Variants in SERINC5 observed in about 807,000 individuals in gnomAD.
SERINC5 encodes the protein chromosome 5 open reading frame 12.
Under a neutral mutation model 63.1 loss-of-function variants are expected in SERINC5, and 41 were observed. That is an observed-to-expected ratio of 0.65 (90% confidence interval 0.51 to 0.84). The LOEUF is 0.84. Among genes scored for constraint, SERINC5 ranks in the 40% least tolerant of loss-of-function variants. The pLI is 0.00. For missense variants in SERINC5, 523 were observed against 573.0 expected (o/e 0.91, Z 0.89); for synonymous variants, 222 against 215.2 (o/e 1.03, Z -0.28).
intron 1 of SERINC5, among the ~76,000 whole-genome samples, chr5:80,246,088 CA>C (rs933835374): frequency 6.6e-6 from 1 of 151,364 alleles, no homozygotes; most frequent in African/African-American, 2.4e-5. Context: ...CCTATTAGAG[CA>C]AACAGTTTCA....
intron 11 of SERINC5, chr5:80,129,303 GT>G (rs1331697624): frequency 6.6e-6 from 1 of 152,248 alleles, no homozygotes; most frequent in East Asian, 1.9e-4. Context: ...TTGTTTGTTT[GT>G]TTGATTGTTT....
chr5:80,190,246 A>G (rs1471811196), intron 2 of SERINC5, among the ~76,000 whole-genome samples: 1 of 151,360 alleles, frequency 6.6e-6, no homozygotes, highest in Non-Finnish European at 1.5e-5. Flanking sequence ...TGGAGCAGCT[A>G]GGACTACAGG....
rs375534461 is a variant in SERINC5, at chr5:80,141,994, C to G, written c.*1669G>C. On this transcript the variant is annotated 3_prime_UTR_variant, in exon 12 of 12. Transcript: ENST00000507668. ...AATAGAAAGAATTTCACTAATTTCA[C>G]CCACCAGCATTTTGGCACACAGAAG... 3.0e-6 allele frequency: 3 copies of G among 985,274 alleles called. No individual in the cohort carries two copies. The highest frequency in any genetic ancestry group is 1.1e-4 in the East Asian group (1 of 8,824). The allele number at this position is 985,274 out of a possible 1,614,324, so 61.0% of individuals were successfully genotyped here.
chr5:80,244,219 CTTT>C (rs1177734360), intron 1 of SERINC5, among the ~76,000 whole-genome samples: 3 of 143,866 alleles, frequency 2.1e-5, no homozygotes, highest in Admixed American at 7.0e-5. Context: ...CCCCCAAGCA[CTTT>C]TTTTTTTTTT....
chr5:80,223,609 A>C (rs981140405), intron 1 of SERINC5, among the ~76,000 whole-genome samples: 4 of 152,176 alleles, frequency 2.6e-5, no homozygotes, highest in African/African-American at 9.7e-5. Flanking sequence ...TTTCTAAAGA[A>C]TATCCCACCC....
chr5:80,153,983 C>T lies in SERINC5; in HGVS notation c.987-3035G>A, dbSNP rs114044177. Among the ~76,000 whole-genome samples the T allele has an allele frequency of 2.5e-3, 376 of 152,244 alleles. 2 individuals are homozygous for T. The highest frequency in any genetic ancestry group is 8.6e-3 in the African/African-American group (358 of 41,554). On this transcript the variant is annotated intron_variant, in intron 8 of 11. Coordinates refer to ENST00000507668, the MANE Select transcript of SERINC5 (RefSeq NM_001174072.3). ...GACCACAGAAAATCTCTAAATAACA[C>T]GTCCAAACTTTCCTGGAGATCACAC...
chr5:80,166,517 G>C (rs753219441), intron 6 of SERINC5, 39 bp from the exon 7 acceptor site: 3 of 1,410,326 alleles, frequency 2.1e-6, no homozygotes, highest in South Asian at 1.2e-5. Flanking sequence ...GTTTTAATTT[G>C]AAGAAAAAGA....
At chr5:80,224,831 G>T (rs1490505543) in intron 1 of SERINC5, among the ~76,000 whole-genome samples, 1 of 151,744 alleles carries the variant, frequency 6.6e-6, no homozygotes, top group Non-Finnish European at 1.5e-5. Context: ...TCACCATGTT[G>T]GTCGGGCTGG....
At chr5:80,235,641 G>C (rs905881407) in intron 1 of SERINC5, among the ~76,000 whole-genome samples, 1 of 152,104 alleles carries the variant, frequency 6.6e-6, no homozygotes, top group East Asian at 1.9e-4. Context: ...CTGTCGCCCA[G>C]GCTGGAGTGC....
intron 12 of SERINC5, among the ~76,000 whole-genome samples, chr5:80,112,021 G>C (rs1426929232): frequency 6.6e-6 from 1 of 152,228 alleles, no homozygotes; most frequent in Admixed American, 6.5e-5. Flanking sequence ...AAGCCGCAGG[G>C]ACCTCTGCCC....
chr5:80,164,900 CT>C (rs1491415372), intron 7 of SERINC5, among the ~76,000 whole-genome samples: 1 of 127,732 alleles, frequency 7.8e-6, no homozygotes, highest in Non-Finnish European at 1.6e-5. Context: ...TTTAAAATAA[CT>C]TTTTTTCTGT....
intron 2 of SERINC5, among the ~76,000 whole-genome samples, chr5:80,190,553 G>C (rs1749119438): frequency 6.6e-6 from 1 of 152,122 alleles, no homozygotes; most frequent in South Asian, 2.1e-4. Flanking sequence ...TCTAAACTAG[G>C]GGGATACGAG....
chr5:80,139,780 A>G lies in SERINC5; in HGVS notation c.*3883T>C. ...GTGGCTACTGCATTGTCCCTGAAGAAGGAGGGCCCAGTGTTCTTTCTGGGT... is the reference window on the plus strand; with the variant it reads ...GTGGCTACTGCATTGTCCCTGAAGAGGGAGGGCCCAGTGTTCTTTCTGGGT... On this transcript the variant is annotated 3_prime_UTR_variant, in exon 12 of 12. Coordinates refer to ENST00000507668, the MANE Select transcript of SERINC5 (RefSeq NM_001174072.3). 1 of 985,448 alleles carries G rather than the reference A, an allele frequency of 1.0e-6. No homozygotes were observed. The highest frequency in any genetic ancestry group is 1.2e-6 in the Non-Finnish European group (1 of 829,938). 61.0% of individuals were successfully genotyped at this position (985,448 alleles called of 1,614,324 possible). A position where few individuals can be genotyped will look rare whatever the true frequency, so the allele number is the denominator to read the frequency against.
chr5:80,230,210 C>A (rs998652843), intron 1 of SERINC5, among the ~76,000 whole-genome samples: 8 of 152,096 alleles, frequency 5.3e-5, no homozygotes, highest in African/African-American at 1.9e-4. Context: ...GTGGTTCATA[C>A]CTGCAATCCC....
chr5:80,206,118 A>G (rs894210040), intron 1 of SERINC5, among the ~76,000 whole-genome samples: 15 of 152,180 alleles, frequency 9.9e-5, no homozygotes, highest in African/African-American at 3.6e-4. Flanking sequence ...GCAATGCTAC[A>G]AGAAATTACC....
chr5:80,135,900 A>G (rs1745151357), downstream of SERINC5, among the ~76,000 whole-genome samples: 1 of 151,958 alleles, frequency 6.6e-6, no homozygotes, highest in Admixed American at 6.6e-5. Flanking sequence ...AAAAAAAAGC[A>G]AATGATGAAT....
At chr5:80,147,513 G>C (rs114865278) in intron 9 of SERINC5, among the ~76,000 whole-genome samples, 10,341 of 152,176 alleles carry the variant, frequency 0.068, 1,195 homozygotes, top group African/African-American at 0.24. Flanking sequence ...TGAATGCTGA[G>C]AGCAGAGCCT....
At chr5:80,254,536 G>A (rs1752563693) in intron 1 of SERINC5, among the ~76,000 whole-genome samples, 1 of 152,230 alleles carries the variant, frequency 6.6e-6, no homozygotes, top group Non-Finnish European at 1.5e-5. Context: ...TGCCCCTAAA[G>A]AGCTGTATCA....
chr5:80,241,075 C>T (rs928529085), intron 1 of SERINC5, among the ~76,000 whole-genome samples: 1 of 152,174 alleles, frequency 6.6e-6, no homozygotes, highest in South Asian at 2.1e-4. Flanking sequence ...GTAAATTGAT[C>T]TGCCTACCTA....
Sources: gnomAD v4.1 joint callset for allele counts (sites outside exome capture counted in the v4.1 genomes callset) on GRCh38, gnomAD v4.1.1 for gene constraint, MANE v1.5 for transcripts, NCBI Gene and HGNC (gene_info 2026-07-23, HGNC 2026-07-21) for gene names.